The following WNT16 variants were observed in gnomAD, a reference collection of about 807,000 sequenced individuals.
The protein encoded by WNT16 is protein Wnt-16.
In WNT16, 20 loss-of-function variants were observed where a neutral mutation model predicts 35.4. The ratio of observed to expected loss-of-function variants is 0.56; its 90% CI spans 0.40 to 0.82. The LOEUF (loss-of-function observed/expected upper bound fraction) is 0.82, where lower values mean the gene tolerates loss of function less well. Ranked by LOEUF, WNT16 falls within the 40% of genes least tolerant of loss-of-function variation. WNT16 has a pLI of 0.00. For synonymous variants in WNT16, 180 were observed against 179.2 expected (o/e 1.00, Z -0.03); for missense variants, 461 against 466.0 (o/e 0.99, Z 0.10).
At chr7:121,331,542 A>C in intron 2 of WNT16, 136 bp from the exon 3 acceptor site, 1 of 731,870 alleles carries the variant, frequency 1.4e-6, no homozygotes, top group Non-Finnish European at 2.2e-6. Flanking sequence ...TCCTTTCTAA[A>C]TATGTACTCG....
At chr7:121,329,910 C>G in intron 2 of WNT16, 93 bp downstream of exon 2, 1 of 1,489,112 alleles carries the variant, frequency 6.7e-7, no homozygotes, top group South Asian at 1.3e-5. Flanking sequence ...CTACGTGGTC[C>G]TGTAGCTCTC....
upstream of WNT16, among the ~76,000 whole-genome samples, chr7:121,326,303 A>G (rs900503149): frequency 1.3e-5 from 2 of 152,214 alleles, no homozygotes; most frequent in Non-Finnish European, 2.9e-5. Context: ...ATATCTGTTC[A>G]CTGAATGAAA....
Position 121,329,084 on chromosome 7 carries a change from G to C in WNT16, c.-209G>C, listed in dbSNP as rs1249592485. On this transcript the variant is annotated 5_prime_UTR_variant, in exon 1 of 4. Coordinates refer to ENST00000222462, the MANE Select transcript of WNT16 (RefSeq NM_057168.2). ...CCCCTGCGCAGGAGGAGATCCCCAGGCTGCTCTCTCCATCTCTCCTACAGC... is the reference window on the plus strand; with the variant it reads ...CCCCTGCGCAGGAGGAGATCCCCAGCCTGCTCTCTCCATCTCTCCTACAGC... 1.0e-5 allele frequency: 13 copies of C among 1,305,788 alleles called. No individual in the cohort carries two copies. Among genetic ancestry groups the C allele is most frequent in the African/African-American group, 1.5e-5 (1 of 67,482 alleles). The allele number at this position is 1,305,788 out of a possible 1,614,324, so 80.9% of individuals were successfully genotyped here.
In WNT16 at chr7:121,338,862, C is replaced by A; in HGVS notation, c.634-19C>A. On this transcript the variant is annotated intron_variant, in intron 3 of 3. Coordinates refer to ENST00000222462, the MANE Select transcript of WNT16 (RefSeq NM_057168.2). Reference sequence around the variant, plus strand: ...ACACTTTATGATTGATAGTTGAACACAATTACTGTTGGTTTCAGGCTGTCG... The same window carrying A: ...ACACTTTATGATTGATAGTTGAACAAAATTACTGTTGGTTTCAGGCTGTCG... The A allele has an allele frequency of 6.2e-7, 1 of 1,602,734 alleles. No individual in the cohort carries two copies. The highest frequency in any genetic ancestry group is 1.3e-5 in the African/African-American group (1 of 74,332).
rs1390195518 is a variant in WNT16, at chr7:121,338,766, T to G, written c.634-115T>G. On this transcript the variant is annotated intron_variant, in intron 3 of 3. Transcript: ENST00000222462. ...AGATTATTTACGTTCAAAACCATCA[T>G]TTTTATTCAAGAGGAAATAGACCCA... 5.6e-6 allele frequency: 5 copies of G among 898,188 alleles called. No individual in the cohort carries two copies. In the East Asian group the frequency reaches 1.1e-4, roughly 19 times the overall value. The allele number at this position is 898,188 out of a possible 1,614,324, so 55.6% of individuals were successfully genotyped here. A position where few individuals can be genotyped will look rare whatever the true frequency, so the allele number is the denominator to read the frequency against.
intron 3 of WNT16, 104 bp from the exon 4 acceptor site, chr7:121,338,777 G>A (rs1793479119): frequency 1.1e-6 from 1 of 952,342 alleles, no homozygotes; most frequent in Non-Finnish European, 1.5e-6. Context: ...TTTTATTCAA[G>A]AGGAAATAGA....
rs1584681414 is a variant in WNT16 at position 121,340,102 on chromosome 7, A to G, written c.*757A>G. On this transcript the variant is annotated 3_prime_UTR_variant, in exon 4 of 4. Coordinates refer to ENST00000222462, the MANE Select transcript of WNT16 (RefSeq NM_057168.2). Reference sequence around the variant, plus strand: ...AGCAATCTTTGATCTTTAGATTCATACTTTTATCACAGATCAGTTTCAACT... The same window carrying G: ...AGCAATCTTTGATCTTTAGATTCATGCTTTTATCACAGATCAGTTTCAACT... 6.6e-6 allele frequency: 1 copy of G among 152,208 alleles called. No homozygotes were observed. Among genetic ancestry groups the G allele is most frequent in the Admixed American group, 6.5e-5 (1 of 15,282 alleles). The allele number at this position is 152,208 out of a possible 1,614,324, so 9.4% of individuals were successfully genotyped here. A position where few individuals can be genotyped will look rare whatever the true frequency, so the allele number is the denominator to read the frequency against.
chr7:121,328,142 C>T (rs1793272909), upstream of WNT16, among the ~76,000 whole-genome samples: 1 of 152,314 alleles, frequency 6.6e-6, no homozygotes, highest in South Asian at 2.1e-4. Context: ...CCTGCAGGGA[C>T]GCATCGGGTA....
intron 3 of WNT16, among the ~76,000 whole-genome samples, chr7:121,335,473 T>C (rs1793427729): frequency 6.6e-6 from 1 of 152,078 alleles, no homozygotes; most frequent in South Asian, 2.1e-4. Flanking sequence ...CTGTTTGCAA[T>C]AGTTAACAAA....
intron 3 of WNT16, among the ~76,000 whole-genome samples, chr7:121,334,493 G>C (rs1009496796): frequency 1.3e-5 from 2 of 151,966 alleles, no homozygotes; most frequent in African/African-American, 2.4e-5. Flanking sequence ...TTCAACATTG[G>C]CAATTAGGAT....
intron 3 of WNT16, among the ~76,000 whole-genome samples, chr7:121,336,026 GTGTGTA>G (rs1793441442): frequency 6.8e-6 from 1 of 146,810 alleles, no homozygotes; most frequent in South Asian, 2.2e-4. Context: ...GTGTGTGTGT[GTGTGTA>G]TCTGTCCTTG....
intron 3 of WNT16, among the ~76,000 whole-genome samples, chr7:121,337,341 T>TA (rs1279616443): frequency 1.4e-4 from 22 of 152,222 alleles, no homozygotes; most frequent in Non-Finnish European, 1.5e-5. Flanking sequence ...ATTGTCTCAT[T>TA]AGATAGTTCA....
intron 3 of WNT16, among the ~76,000 whole-genome samples, chr7:121,334,641 T>C (rs1440920115): frequency 6.6e-6 from 1 of 152,142 alleles, no homozygotes; most frequent in East Asian, 1.9e-4. Flanking sequence ...TTAGTAGTAC[T>C]GTGAGCAGGA....
chr7:121,329,582 C>G lies in WNT16; in HGVS notation c.111C>G (p.Ala37=). Residue 37 remains alanine (A), a synonymous_variant, in exon 2 of 4, where the codon GCC becomes GCG. Coordinates refer to ENST00000222462, the MANE Select transcript of WNT16 (RefSeq NM_057168.2). ...TGTCTTACAGGTGGTTGGGCATTGCCTCCTTCGGGGTTCCAGAGAAGCTGG... is the reference window on the plus strand; with the variant it reads ...TGTCTTACAGGTGGTTGGGCATTGCGTCCTTCGGGGTTCCAGAGAAGCTGG... The part of the protein sequence containing the change: ...AQGNWMWLGI[A]SFGVPEKLGC... The G allele has an allele frequency of 6.2e-7, 1 of 1,614,230 alleles. No individual in the cohort carries two copies. The highest frequency in any genetic ancestry group is 1.3e-5 in the African/African-American group (1 of 75,074).
rs768687126 is a variant in WNT16, at chr7:121,339,360, C to A, written c.*15C>A. Reference sequence around the variant, plus strand: ...CTTGCAAGTAACCACTCCATCCAGCCTTGGGCAAGATGCCTCAGCAATATA... The same window carrying A: ...CTTGCAAGTAACCACTCCATCCAGCATTGGGCAAGATGCCTCAGCAATATA... On this transcript the variant is annotated 3_prime_UTR_variant, in exon 4 of 4. Transcript: ENST00000222462. 1.2e-6 allele frequency: 2 copies of A among 1,603,578 alleles called. No individual in the cohort carries two copies. The highest frequency in any genetic ancestry group is 3.3e-5 in the Admixed American group (2 of 59,828).
At chr7:121,329,469 G>C in intron 1 of WNT16, 82 bp downstream of exon 1, 1 of 1,591,296 alleles carries the variant, frequency 6.3e-7, no homozygotes, top group South Asian at 1.1e-5. Flanking sequence ...CTGAGGCTGG[G>C]GGAGAAGGGC....
At chr7:121,337,604 C>T (rs114652894) in intron 3 of WNT16, among the ~76,000 whole-genome samples, 2,756 of 152,284 alleles carry the variant, frequency 0.018, 91 homozygotes, top group African/African-American at 0.063. Flanking sequence ...CTAGCCCTGA[C>T]GATTTATTAA....
chr7:121,328,435 T>C (rs187570555), upstream of WNT16, among the ~76,000 whole-genome samples: 1 of 152,328 alleles, frequency 6.6e-6, no homozygotes, highest in East Asian at 1.9e-4. Flanking sequence ...GACTGGAATC[T>C]TCTCTTTCGC....
At chr7:121,338,425 G>C (rs544398466) in intron 3 of WNT16, among the ~76,000 whole-genome samples, 1 of 152,228 alleles carries the variant, frequency 6.6e-6, no homozygotes, top group African/African-American at 2.4e-5. Context: ...GTCTGGAGTG[G>C]GGCCTGAGAG....
Sources: allele counts gnomAD v4.1 joint callset (sites outside exome capture counted in the v4.1 genomes callset), GRCh38; gene constraint gnomAD v4.1.1; transcripts MANE v1.5; gene names NCBI Gene and HGNC (gene_info 2026-07-23, HGNC 2026-07-21).